CAPN8: variants seen among roughly 807,000 people sequenced by gnomAD.
CAPN8 encodes the protein calpain 8.
A neutral mutation model predicts 80.9 loss-of-function variants in CAPN8; 87 were observed. That is an observed-to-expected ratio of 1.07 (90% CI 0.90 to 1.28). CAPN8 has a LOEUF of 1.28. Among genes scored for constraint, CAPN8 ranks in the 50% most tolerant of loss-of-function variants. The pLI, the probability that CAPN8 is intolerant of heterozygous loss-of-function variation, is 0.00. For missense variants in CAPN8, 757 were observed against 702.0 expected (o/e 1.08, Z -0.89); for synonymous variants, 299 against 273.8 (o/e 1.09, Z -0.91).
chr1:223,614,169 C>T (rs1367325343), intron 10 of CAPN8, among the ~76,000 whole-genome samples: 5 of 152,108 alleles, frequency 3.3e-5, no homozygotes, highest in African/African-American at 7.2e-5. Context: ...GAGGCCAAAG[C>T]GGGTGGATCA....
At chr1:223,617,680 G>T (rs1657242416) in intron 9 of CAPN8, 1 of 152,460 alleles carries the variant, frequency 6.6e-6, no homozygotes, top group Non-Finnish European at 1.5e-5. Context: ...TAACAGTACT[G>T]GAGGAAGAGA....
chr1:223,637,446 A>T (rs748145785), intron 2 of CAPN8, among the ~76,000 whole-genome samples: 1 of 152,050 alleles, frequency 6.6e-6, no homozygotes, highest in Non-Finnish European at 1.5e-5. Flanking sequence ...CCTGATTCCC[A>T]TCACCATCCA....
intron 19 of CAPN8, 139 bp downstream of exon 19, chr1:223,543,928 C>A: frequency 1.6e-6 from 1 of 614,434 alleles, no homozygotes; most frequent in Non-Finnish European, 2.9e-6. Context: ...AAGGTGCCAG[C>A]ATTCCAGAAG....
chr1:223,544,910 T>A (rs1656578810), intron 17 of CAPN8, 60 bp from the exon 18 acceptor site: 1 of 1,549,582 alleles, frequency 6.5e-7, no homozygotes, highest in East Asian at 2.4e-5. Flanking sequence ...GCCAGAACCA[T>A]CTCCCTCCAC....
At chr1:223,541,887 C>T (rs1405548583) in intron 20 of CAPN8, 28 bp from the exon 21 acceptor site, 1 of 1,520,140 alleles carries the variant, frequency 6.6e-7, no homozygotes, top group South Asian at 1.2e-5. Flanking sequence ...AAGATTGAGT[C>T]TTGGCTTCTC....
At chr1:223,544,599 A>G (rs554928309) in intron 18 of CAPN8, among the ~76,000 whole-genome samples, 173 bp downstream of exon 18, 233 of 152,346 alleles carry the variant, frequency 1.5e-3, no homozygotes, top group Admixed American at 2.8e-3. Flanking sequence ...GGAATCGAGC[A>G]ATATTCTCCC....
chr1:223,544,745 G>A (rs1322031200), intron 18 of CAPN8, 27 bp downstream of exon 18: 25 of 1,551,236 alleles, frequency 1.6e-5, no homozygotes, highest in Non-Finnish European at 2.2e-5. Flanking sequence ...TGGATCCCAA[G>A]ACCCTGTCTA....
intron 1 of CAPN8, among the ~76,000 whole-genome samples, chr1:223,657,551 G>A (rs1364774464): frequency 6.6e-6 from 1 of 151,910 alleles, no homozygotes; most frequent in East Asian, 1.9e-4. Context: ...TGGATCACTT[G>A]AGGTCAGGAG....
rs575447087 is a variant in CAPN8, at chr1:223,665,286, G to A, written c.237+124C>T. ...AAAATTAAAAAAGGTGGTGGTGGAG[G>A]GATCTGAAATATGAGATCCAGACAC... On this transcript the variant is annotated intron_variant, in intron 1 of 20. Transcript: ENST00000366872. 1.2e-4 allele frequency: 83 copies of A among 720,144 alleles called. No individual in the cohort carries two copies. In the African/African-American group the frequency reaches 1.4e-3, roughly 12 times the overall value. The allele number at this position is 720,144 out of a possible 1,614,324, so 44.6% of individuals were successfully genotyped here. A position where few individuals can be genotyped will look rare whatever the true frequency, so the allele number is the denominator to read the frequency against.
At chr1:223,630,239 CCT>C (rs373121003) in intron 2 of CAPN8, among the ~76,000 whole-genome samples, 2 of 150,850 alleles carry the variant, frequency 1.3e-5, no homozygotes, top group South Asian at 2.1e-4. Context: ...TTAATTAATT[CCT>C]CTCTCTCTCT....
intron 2 of CAPN8, among the ~76,000 whole-genome samples, chr1:223,637,870 C>A (rs914424423): frequency 2.0e-5 from 3 of 152,184 alleles, no homozygotes; most frequent in African/African-American, 7.2e-5. Flanking sequence ...TGTCTGGCAG[C>A]AATCACTTGA....
intron 16 of CAPN8, among the ~76,000 whole-genome samples, chr1:223,546,247 T>C (rs1054923356): frequency 6.6e-6 from 1 of 152,142 alleles, no homozygotes. Context: ...ACAGCACCAA[T>C]GTTAAAATTT....
intron 5 of CAPN8, 31 bp downstream of exon 5, chr1:223,626,957 AG>A (rs1313229627): frequency 6.5e-7 from 1 of 1,539,620 alleles, no homozygotes; most frequent in Admixed American, 2.0e-5. Context: ...CGGTGGGGGG[AG>A]GTGGGGCAGT....
chr1:223,649,120 A>G (rs1658271758), intron 2 of CAPN8, among the ~76,000 whole-genome samples: 1 of 152,268 alleles, frequency 6.6e-6, no homozygotes. Context: ...TCCTGAAAGC[A>G]GCAAGCATCA....
At chr1:223,645,429 T>C (rs1326970897) in intron 2 of CAPN8, among the ~76,000 whole-genome samples, 1 of 152,100 alleles carries the variant, frequency 6.6e-6, no homozygotes, top group Non-Finnish European at 1.5e-5. Flanking sequence ...GTATTAACCA[T>C]CAGGCCCTCC....
At chr1:223,632,367 G>GGTTTTGTTTTGTTTT (rs71572867) in intron 2 of CAPN8, among the ~76,000 whole-genome samples, 1,965 of 151,654 alleles carry the variant, frequency 0.013, 24 homozygotes, top group African/African-American at 0.024. Context: ...TTGGAGCATA[G>GGTTTTGTTTTGTTTT]GTTTTGTTTT....
At chr1:223,548,863 G>A (rs1417169124) in intron 16 of CAPN8, among the ~76,000 whole-genome samples, 1 of 148,732 alleles carries the variant, frequency 6.7e-6, no homozygotes, top group Non-Finnish European at 1.5e-5. Flanking sequence ...AGTAGTAGCT[G>A]TCCACAAGCC....
At chr1:223,665,153 T>C (rs1571749039) in intron 1 of CAPN8, among the ~76,000 whole-genome samples, 1 of 151,894 alleles carries the variant, frequency 6.6e-6, no homozygotes, top group African/African-American at 2.4e-5. Context: ...CTCGGGAGGC[T>C]GAGGCAGGAG....
chr1:223,632,258 G>A lies in CAPN8; in HGVS notation c.308-3478C>T, dbSNP rs143426450. On this transcript the variant is annotated intron_variant, in intron 2 of 20. Transcript: ENST00000366872. ...CGTTTTCAAAGGAATATATCCAAAT[G>A]TGCTTCCCTTCAGAGTCCTCTGGAA... 2.0e-5 allele frequency among the ~76,000 whole-genome samples: 3 copies of A among 152,356 alleles called. No homozygotes were observed. The East Asian group carries it at 5.8e-4, about 29-fold the overall frequency.
Sources: gnomAD v4.1 joint callset for allele counts (sites outside exome capture counted in the v4.1 genomes callset) on GRCh38, gnomAD v4.1.1 for gene constraint, MANE v1.5 for transcripts, NCBI Gene and HGNC (gene_info 2026-07-23, HGNC 2026-07-21) for gene names.